HPSE2: variants seen among roughly 807,000 people sequenced by gnomAD.
HPSE2 encodes the protein heparanase 2 (inactive).
Under a neutral mutation model 60.5 loss-of-function variants are expected in HPSE2, and 38 were observed. That is an observed-to-expected ratio of 0.63 (90% CI 0.48 to 0.82). The LOEUF is 0.82. HPSE2 is among the 40% of genes least tolerant of loss of function. The pLI is 0.00. For missense variants in HPSE2, 713 were observed against 740.4 expected, an observed-to-expected ratio of 0.96 and a Z score of 0.43; for synonymous variants, 295 against 293.2, an observed-to-expected ratio of 1.01 and a Z score of -0.06.
chr10:99,314,619 G>A, the HPSE2 span, among the ~76,000 whole-genome samples: 31 of 152,264 alleles, frequency 2.0e-4, no homozygotes, highest in South Asian at 5.6e-3. Context: ...AACAAAACCC[G>A]CGGTATCCCC....
intron 3 of HPSE2, among the ~76,000 whole-genome samples, chr10:99,064,098 CAAAAACAAAAAAT>C (rs1374438188): frequency 2.0e-5 from 3 of 151,924 alleles, no homozygotes; most frequent in Non-Finnish European, 4.4e-5. Context: ...TCTCAAAAAA[CAAAAACAAAAAAT>C]AGAAAAAGGT....
At chr10:99,084,017 C>A in intron 3 of HPSE2, among the ~76,000 whole-genome samples, 1 of 122,994 alleles carries the variant, frequency 8.1e-6, no homozygotes, top group Non-Finnish European at 1.7e-5. Context: ...GGTTTTTTCC[C>A]AAGAGTCATT....
chr10:98,575,011 C>T (rs1227654265), intron 9 of HPSE2, among the ~76,000 whole-genome samples: 1 of 151,992 alleles, frequency 6.6e-6, no homozygotes, highest in Non-Finnish European at 1.5e-5. Flanking sequence ...TTTATTTTTA[C>T]CATTTCCTGG....
intron 3 of HPSE2, among the ~76,000 whole-genome samples, chr10:99,029,315 C>T (rs1957445331): frequency 6.6e-6 from 1 of 152,110 alleles, no homozygotes; most frequent in Admixed American, 6.5e-5. Flanking sequence ...AGGGACCAGC[C>T]CCACAGGGTC....
intron 10 of HPSE2, among the ~76,000 whole-genome samples, chr10:98,488,539 G>A (rs548782171): frequency 1.3e-4 from 20 of 152,316 alleles, no homozygotes; most frequent in African/African-American, 4.6e-4. Context: ...ATGAGGAGAC[G>A]CAAATCCTGC....
At chr10:98,915,827 T>C (rs1040025492) in intron 3 of HPSE2, among the ~76,000 whole-genome samples, 1 of 152,102 alleles carries the variant, frequency 6.6e-6, no homozygotes, top group African/African-American at 2.4e-5. Context: ...TAGAAATGCA[T>C]ATAAAACTCC....
At chr10:99,300,980 T>C in the HPSE2 span, among the ~76,000 whole-genome samples, 58 of 152,326 alleles carry the variant, frequency 3.8e-4, no homozygotes, top group East Asian at 0.01. Context: ...ATGGGGAGTA[T>C]AGATTTGTTC....
At chr10:99,106,852 G>C (rs942506925) in intron 3 of HPSE2, among the ~76,000 whole-genome samples, 2 of 151,856 alleles carry the variant, frequency 1.3e-5, no homozygotes, top group African/African-American at 2.4e-5. Flanking sequence ...CTCATTCTAG[G>C]CCTTTCTGAC....
intron 5 of HPSE2, among the ~76,000 whole-genome samples, chr10:98,709,692 G>A (rs1948630725): frequency 6.6e-6 from 1 of 152,100 alleles, no homozygotes; most frequent in African/African-American, 2.4e-5. Flanking sequence ...CACCCAACAG[G>A]GGACTCCAAA....
chr10:98,848,370 A>G (rs528792199), intron 3 of HPSE2, among the ~76,000 whole-genome samples: 3 of 152,222 alleles, frequency 2.0e-5, no homozygotes, highest in African/African-American at 4.8e-5. Flanking sequence ...GTGAGCCTAG[A>G]TCGCACCACT....
chr10:98,706,241 T>G (rs1948544638), intron 5 of HPSE2, among the ~76,000 whole-genome samples: 1 of 152,194 alleles, frequency 6.6e-6, no homozygotes, highest in African/African-American at 2.4e-5. Context: ...CTAGGAAGTA[T>G]AGTAAACTCT....
intron 4 of HPSE2, among the ~76,000 whole-genome samples, chr10:98,723,372 C>T (rs919901896): frequency 8.2e-6 from 1 of 121,806 alleles, no homozygotes; most frequent in African/African-American, 2.5e-5. Flanking sequence ...TTGCCAGTAT[C>T]TTATTGAGGA....
chr10:99,127,344 C>T (rs149269044), intron 3 of HPSE2, among the ~76,000 whole-genome samples: 2,752 of 152,182 alleles, frequency 0.018, 87 homozygotes, highest in African/African-American at 0.063. Context: ...TAGAGAAATA[C>T]AAAATGCACT....
At chr10:99,145,573 A>G (rs1189503422) in intron 2 of HPSE2, among the ~76,000 whole-genome samples, 1 of 149,978 alleles carries the variant, frequency 6.7e-6, no homozygotes. Context: ...TCTCATAGGT[A>G]CAAATGATAC....
chr10:99,227,896 T>C (rs1046517009), intron 2 of HPSE2, among the ~76,000 whole-genome samples: 7 of 143,418 alleles, frequency 4.9e-5, no homozygotes, highest in African/African-American at 1.8e-4. Flanking sequence ...TGTGTGTGTA[T>C]ATACATATAT....
In HPSE2 at chr10:98,940,505, C is replaced by T. The variant is rs1344907850; in HGVS notation, c.611-196449G>A. On this transcript the variant is annotated intron_variant, in intron 3 of 11. Transcript: ENST00000370552. The stretch of plus-strand genomic sequence containing the variant: ...TAGAAGAAATGGATAAATTCCTCCA[C>T]ACATACACCCTCCCAAGACTAAACA... Among the ~76,000 whole-genome samples the T allele has an allele frequency of 2.1e-5, 3 of 144,076 alleles. 1 individual carries two copies. The highest frequency in any genetic ancestry group is 8.5e-5 in the African/African-American group (3 of 35,456). 94.5% of individuals were successfully genotyped at this position (144,076 alleles called of 152,430 possible).
At chr10:98,737,509 G>A (rs1949388407) in intron 4 of HPSE2, among the ~76,000 whole-genome samples, 1 of 93,068 alleles carries the variant, frequency 1.1e-5, no homozygotes, top group East Asian at 7.9e-4. Flanking sequence ...CTCTTGGCTA[G>A]GGGAGGGAGT....
intron 9 of HPSE2, among the ~76,000 whole-genome samples, chr10:98,513,283 T>G (rs1942483051): frequency 6.6e-6 from 1 of 152,228 alleles, no homozygotes; most frequent in Non-Finnish European, 1.5e-5. Context: ...AGAATTTTTA[T>G]GTTTTCAGCC....
chr10:99,315,026 G>A, the HPSE2 span, among the ~76,000 whole-genome samples: 3 of 152,176 alleles, frequency 2.0e-5, no homozygotes, highest in Admixed American at 6.5e-5. Context: ...TTCCTTCCAT[G>A]CACCTTAGCA....
Sources: gnomAD v4.1 joint callset for allele counts (sites outside exome capture counted in the v4.1 genomes callset) on GRCh38, gnomAD v4.1.1 for gene constraint, MANE v1.5 for transcripts, NCBI Gene and HGNC (gene_info 2026-07-23, HGNC 2026-07-21) for gene names.